Variants in MYO5C observed in about 807,000 individuals in gnomAD.
MYO5C encodes the protein myosin VC.
In MYO5C, 194 loss-of-function variants were observed where a neutral mutation model predicts 235.7. The observed-to-expected ratio is 0.82, with a 90% CI of 0.73 to 0.93. The LOEUF is 0.93. Among genes scored for constraint, MYO5C ranks in the 40% least tolerant of loss-of-function variants. The pLI is 0.00. For synonymous variants in MYO5C, 707 were observed against 754.8 expected, an observed-to-expected ratio of 0.94 and a Z score of 1.04; for missense variants, 2,038 against 2,127.2, an observed-to-expected ratio of 0.96 and a Z score of 0.82.
chr15:52,286,222 G>A (rs995609065), intron 1 of MYO5C, among the ~76,000 whole-genome samples: 1 of 150,802 alleles, frequency 6.6e-6, no homozygotes, highest in Non-Finnish European at 1.5e-5. Flanking sequence ...GGAGGGAGGT[G>A]GGGGGTCAGC....
intron 11 of MYO5C, among the ~76,000 whole-genome samples, chr15:52,256,199 G>A (rs967620740): frequency 1.3e-5 from 2 of 152,174 alleles, no homozygotes; most frequent in South Asian, 2.1e-4. Flanking sequence ...AGGTATCGCA[G>A]GAGGCTCTCA....
intron 10 of MYO5C, among the ~76,000 whole-genome samples, chr15:52,259,936 C>A (rs2036657110): frequency 2.0e-5 from 3 of 152,222 alleles, no homozygotes; most frequent in Non-Finnish European, 4.4e-5. Flanking sequence ...CTGCTTTTTG[C>A]CATGGTGTGG....
intron 1 of MYO5C, among the ~76,000 whole-genome samples, chr15:52,283,965 A>G (rs1038663127): frequency 6.6e-6 from 1 of 152,124 alleles, no homozygotes. Context: ...ATGAGCCACC[A>G]CGCCTGGCAG....
intron 1 of MYO5C, among the ~76,000 whole-genome samples, chr15:52,290,729 A>C (rs1053981072): frequency 6.6e-6 from 1 of 152,148 alleles, no homozygotes; most frequent in African/African-American, 2.4e-5. Context: ...AACAAAACAC[A>C]TGTATCAAAC....
chr15:52,233,315 TA>T (rs142248037), intron 23 of MYO5C, among the ~76,000 whole-genome samples: 1 of 32,678 alleles, frequency 3.1e-5, no homozygotes, highest in African/African-American at 5.6e-5. Flanking sequence ...AAAAAAAAAA[TA>T]AATAAATAAA....
intron 17 of MYO5C, 33 bp from the exon 18 acceptor site, chr15:52,245,498 G>T: frequency 6.8e-7 from 1 of 1,469,550 alleles, no homozygotes; most frequent in Non-Finnish European, 9.5e-7. Context: ...AGCCAGGAGT[G>T]TCAGAGGAAG....
chr15:52,278,321 G>A (rs562560987), intron 4 of MYO5C, among the ~76,000 whole-genome samples: 37 of 152,188 alleles, frequency 2.4e-4, no homozygotes, highest in Middle Eastern at 3.4e-3. Flanking sequence ...CATTTGCATC[G>A]TGGGCTATTC....
In MYO5C at chr15:52,272,772, C is replaced by T. The variant is rs943739144; in HGVS notation, c.607-49G>A. On this transcript the variant is annotated intron_variant, in intron 5 of 40. Coordinates refer to ENST00000261839, the MANE Select transcript of MYO5C (RefSeq NM_018728.4). ...AAATAACAACATTAAAAGATTTTTGCCTCAAAATTATTGGAGGGGTTTTTA... is the reference window on the plus strand; with the variant it reads ...AAATAACAACATTAAAAGATTTTTGTCTCAAAATTATTGGAGGGGTTTTTA... 9 of 1,592,776 alleles carry T rather than the reference C, an allele frequency of 5.7e-6. No homozygotes were observed. In the African/African-American group the frequency reaches 1.2e-4, roughly 22 times the overall value.
At chr15:52,294,227 A>C (rs1383126953) in intron 1 of MYO5C, among the ~76,000 whole-genome samples, 5 of 152,264 alleles carry the variant, frequency 3.3e-5, no homozygotes, top group African/African-American at 1.2e-4. Context: ...TAGGTTCAGC[A>C]GCAGCATTTT....
At chr15:52,224,076 AGTT>A (rs1200680893) in intron 28 of MYO5C, among the ~76,000 whole-genome samples, 1 of 152,204 alleles carries the variant, frequency 6.6e-6, no homozygotes, top group Non-Finnish European at 1.5e-5. Flanking sequence ...TGAGGTCAGG[AGTT>A]TGAGACCAGC....
At chr15:52,208,457 CTGG>C (rs1165565371) in intron 36 of MYO5C, 94 bp downstream of exon 36, 6 of 1,086,482 alleles carry the variant, frequency 5.5e-6, no homozygotes, top group Non-Finnish European at 8.2e-6. Context: ...TGTTGGCCTC[CTGG>C]TGGAGAGGAT....
intron 35 of MYO5C, among the ~76,000 whole-genome samples, chr15:52,211,087 G>A (rs551862574): frequency 1.3e-5 from 2 of 152,320 alleles, no homozygotes; most frequent in Admixed American, 6.5e-5. Context: ...ACCGACTTAG[G>A]GAATGGCCAA....
rs377388907 is a variant in MYO5C at position 52,237,468 on chromosome 15, C to A, written c.2868+14G>T. The stretch of plus-strand genomic sequence containing the variant: ...CCGCATATTTCCATCCCGTCTCACA[C>A]GCCCGCAGCTGACCTCTTCCACAGC... On this transcript the variant is annotated intron_variant, in intron 22 of 40. Coordinates refer to ENST00000261839, the MANE Select transcript of MYO5C (RefSeq NM_018728.4). 6.2e-7 allele frequency: 1 copy of A among 1,610,936 alleles called. No homozygotes were observed. Among genetic ancestry groups the A allele is most frequent in the Non-Finnish European group, 8.5e-7 (1 of 1,178,498 alleles).
intron 4 of MYO5C, chr15:52,277,347 C>A (rs1647068385): frequency 2.1e-6 from 1 of 478,110 alleles, no homozygotes; most frequent in Non-Finnish European, 4.1e-6. Flanking sequence ...CCACCCATAC[C>A]CAGTCCCTAA....
intron 1 of MYO5C, among the ~76,000 whole-genome samples, chr15:52,290,415 T>C (rs1180886494): frequency 6.6e-6 from 1 of 152,094 alleles, no homozygotes; most frequent in East Asian, 1.9e-4. Context: ...ATCGTTACGC[T>C]GAACTTTGAC....
chr15:52,229,202 C>G lies in MYO5C; in HGVS notation c.3138G>C (p.Leu1046=), dbSNP rs1405181882. 2.5e-6 allele frequency: 4 copies of G among 1,614,136 alleles called. No homozygotes were observed. The highest frequency in any genetic ancestry group is 1.6e-4 in the Middle Eastern group (1 of 6,084). The change falls in exon 25 of 41, where the codon CTG becomes CTC. Residue 1046 remains leucine (L), a synonymous_variant. Transcript: ENST00000261839. ...CAGAAGTGACGTGCTCCCCCTCCAC[C>G]AGGTGTTGGAGTTGCATCTTCTCAT... is the stretch of plus-strand genomic sequence containing the variant. ...LKDEKMQLQH[L]VEGEHVTSDG...
At position 52,275,710 on chromosome 15, in the gene MYO5C, C is replaced by T. The variant is rs777503854; in HGVS notation, c.458G>A (p.Arg153Lys). Residue 153 changes from arginine (R) to lysine (K), a missense_variant, in exon 5 of 41, where the codon AGA becomes AAA. By Grantham distance (26) the Arg-to-Lys change is conservative. Transcript: ENST00000261839. ...CCCACTTACAATTATGGACTGGTTT[C>T]TGTTGTTTCTAAAGCAAATAAAAGT... ...EAYKQMARNN[R>K]NQSIIVSGES... The T allele has an allele frequency of 3.7e-6, 6 of 1,614,016 alleles. No individual in the cohort carries two copies. The Admixed American group carries it at 1.0e-4, about 27-fold the overall frequency.
At chr15:52,230,938 C>T (rs2035938755) in intron 24 of MYO5C, among the ~76,000 whole-genome samples, 1 of 151,728 alleles carries the variant, frequency 6.6e-6, no homozygotes, top group African/African-American at 2.4e-5. Context: ...AGTGATTCTC[C>T]TGCCTCAGCC....
Position 52,224,902 on chromosome 15 carries a change from G to T in MYO5C, c.3445C>A (p.Arg1149Ser). Residue 1149 changes from arginine to serine, a missense_variant and splice_region_variant, in exon 28 of 41, where the codon CGT (arginine) becomes AGT (serine). By Grantham distance (110) the Arg-to-Ser change is moderately radical. Coordinates refer to ENST00000261839, the MANE Select transcript of MYO5C (RefSeq NM_018728.4). ...FAYEGLKKAT[R>S]VLESHFQSQK... Reference sequence around the variant, plus strand: ...AGATCCCTGAGGAGAATTTCTAACCGTGTTGCTTTCTTTAGTCCTTCATAA... The same window carrying T: ...AGATCCCTGAGGAGAATTTCTAACCTTGTTGCTTTCTTTAGTCCTTCATAA... 1 of 1,610,954 alleles carries T rather than the reference G, an allele frequency of 6.2e-7. No homozygotes were observed. Among genetic ancestry groups the T allele is most frequent in the Admixed American group, 1.7e-5 (1 of 59,614 alleles).
Sources: allele counts gnomAD v4.1 joint callset (sites outside exome capture counted in the v4.1 genomes callset), GRCh38; gene constraint gnomAD v4.1.1; transcripts MANE v1.5; gene names NCBI Gene and HGNC (gene_info 2026-07-23, HGNC 2026-07-21).